The following HADHA variants were observed in gnomAD, a reference collection of about 807,000 sequenced individuals.
The protein encoded by HADHA is trifunctional enzyme subunit alpha, mitochondrial.
HADHA carries 59 observed loss-of-function variants against 91.3 expected under a neutral mutation model. The observed-to-expected ratio is 0.65, with a 90% CI of 0.52 to 0.80. The LOEUF (loss-of-function observed/expected upper bound fraction) is 0.80. Ranked by LOEUF, HADHA falls within the 30% of genes least tolerant of loss-of-function variation. The pLI is 0.00. For synonymous variants in HADHA, 320 were observed against 338.9 expected, an observed-to-expected ratio of 0.94 and a Z score of 0.61; for missense variants, 800 against 927.6, an observed-to-expected ratio of 0.86 and a Z score of 1.79.
At position 26,204,107 on chromosome 2, in the gene HADHA, G is replaced by A. The variant is rs1246312399; in HGVS notation, c.1175C>T (p.Ala392Val). 6.2e-7 allele frequency: 1 copy of A among 1,613,528 alleles called. No individual in the cohort carries two copies. ...TCCTCGGTCTAGCGCAGTGAGGGTG[G>A]CATCTTTAAGTATAGTCTTTAGCCC... is the stretch of plus-strand genomic sequence containing the variant. Reference protein sequence around the residue: ...DKGLKTILKDATLTALDRGQQ... With the variant: ...DKGLKTILKDVTLTALDRGQQ... The change falls in exon 12 of 20, where the codon GCC becomes GTC. Residue 392 changes from alanine (A) to valine (V), a missense_variant. Physicochemically the swap from Ala to Val is moderately conservative, Grantham distance 64. Coordinates refer to ENST00000380649, the MANE Select transcript of HADHA (RefSeq NM_000182.5).
Position 26,214,030 on chromosome 2 carries a change from A to G in HADHA, c.918+413T>C, listed in dbSNP as rs1280039798. ...CTCTACATCATTACATCTTTTTTAT[A>G]ATTACAGCAATGAAGAAGTCCTTGA... is the stretch of plus-strand genomic sequence containing the variant. On this transcript the variant is annotated intron_variant, in intron 9 of 19. Coordinates refer to ENST00000380649, the MANE Select transcript of HADHA (RefSeq NM_000182.5). The surrounding 1 kb of genome is among the most constrained non-coding windows in gnomAD (Gnocchi z 4.1). Among the ~76,000 whole-genome samples the G allele has an allele frequency of 6.6e-6, 1 of 152,198 alleles. No individual in the cohort carries two copies. The highest frequency in any genetic ancestry group is 1.5e-5 in the Non-Finnish European group (1 of 68,038).
chr2:26,225,412 A>C (rs1381288523), intron 7 of HADHA, among the ~76,000 whole-genome samples: 6 of 139,604 alleles, frequency 4.3e-5, no homozygotes, highest in Non-Finnish European at 7.8e-5. Context: ...AAAAAAAAAA[A>C]AGAGGAGAGA....
intron 12 of HADHA, 149 bp downstream of exon 12, chr2:26,203,913 G>T: frequency 1.3e-6 from 1 of 787,840 alleles, no homozygotes; most frequent in Non-Finnish European, 2.2e-6. Flanking sequence ...GCTTCACTAC[G>T]GAGTATCTAG....
At position 26,193,784 on chromosome 2, in the gene HADHA, G is replaced by A. The variant is rs369641464; in HGVS notation, c.1690-12C>T. ...GGGTCAACTCCTTCCTGAACAGGAA[G>A]CGATGCAGGGACCTCAGGGGAAGGG... is the stretch of plus-strand genomic sequence containing the variant. On this transcript the variant is annotated splice_polypyrimidine_tract_variant and intron_variant, in intron 16 of 19. Coordinates refer to ENST00000380649, the MANE Select transcript of HADHA (RefSeq NM_000182.5). 5.6e-5 allele frequency: 90 copies of A among 1,611,366 alleles called. 1 individual carries two copies. The East Asian group carries it at 1.6e-3, about 30-fold the overall frequency.
rs1023537527 is a variant in HADHA, at chr2:26,221,511, G to C, written c.677-6336C>G. ...GTTGTCTAACCTACTAAGCCATAAA[G>C]TGGGGTGTACACGGTAGCACTCCAT... On this transcript the variant is annotated intron_variant, in intron 7 of 19. Coordinates refer to ENST00000380649, the MANE Select transcript of HADHA (RefSeq NM_000182.5). The surrounding 1 kb of genome is among the most constrained non-coding windows in gnomAD (Gnocchi z 4.8). 6.6e-6 allele frequency among the ~76,000 whole-genome samples: 1 copy of C among 152,186 alleles called. No individual in the cohort carries two copies.
chr2:26,231,382 A>G (rs1468452640), intron 6 of HADHA, among the ~76,000 whole-genome samples: 1 of 152,194 alleles, frequency 6.6e-6, no homozygotes, highest in Non-Finnish European at 1.5e-5. Context: ...ATTGCTCTGC[A>G]GCATCCAGGT....
chr2:26,215,236 A>G, intron 7 of HADHA, 61 bp from the exon 8 acceptor site: 1 of 1,551,044 alleles, frequency 6.4e-7, no homozygotes, highest in Non-Finnish European at 8.9e-7. Flanking sequence ...CAGGTAGTGA[A>G]AAACCCAGAC....
At chr2:26,196,548 C>G (rs1426072612) in intron 14 of HADHA, among the ~76,000 whole-genome samples, 1 of 152,144 alleles carries the variant, frequency 6.6e-6, no homozygotes, top group African/African-American at 2.4e-5. Context: ...CCAACTCATC[C>G]TGGATGGCTG....
chr2:26,207,610 C>A (rs550449915), intron 11 of HADHA, among the ~76,000 whole-genome samples: 1 of 152,266 alleles, frequency 6.6e-6, no homozygotes, highest in African/African-American at 2.4e-5. Flanking sequence ...CTTGAAATGA[C>A]CCACTTGTGT....
chr2:26,240,185 G>A (rs1429971642), intron 1 of HADHA, among the ~76,000 whole-genome samples: 1 of 152,040 alleles, frequency 6.6e-6, no homozygotes, highest in Non-Finnish European at 1.5e-5. Flanking sequence ...TCTGTAGCAG[G>A]TGTTTCACCA....
At chr2:26,194,226 T>C (rs1560869) in intron 16 of HADHA, among the ~76,000 whole-genome samples, 125,034 of 152,030 alleles carry the variant, frequency 0.82, 51,780 homozygotes, top group African/African-American at 0.93. Flanking sequence ...CTGTGTGCTG[T>C]GGAAACAGAT....
chr2:26,191,465 C>T lies in HADHA; in HGVS notation c.2146+18G>A, dbSNP rs200961004. 225 of 1,614,076 alleles carry T rather than the reference C, an allele frequency of 1.4e-4. No homozygotes were observed. The highest frequency in any genetic ancestry group is 3.7e-5 in the Non-Finnish European group (44 of 1,180,048). On this transcript the variant is annotated intron_variant, in intron 19 of 19. Coordinates refer to ENST00000380649, the MANE Select transcript of HADHA (RefSeq NM_000182.5). ...CTCCAGGCTAAAGTGAGCTTCCTTCCCAACCTGCGAGACCAACCTCCCAGA... is the reference window on the plus strand; with the variant it reads ...CTCCAGGCTAAAGTGAGCTTCCTTCTCAACCTGCGAGACCAACCTCCCAGA...
chr2:26,195,924 T>G (rs1272975815), intron 14 of HADHA, among the ~76,000 whole-genome samples: 1 of 152,226 alleles, frequency 6.6e-6, no homozygotes, highest in Non-Finnish European at 1.5e-5. Flanking sequence ...GAGAAACCCC[T>G]CATTGAGCTA....
Position 26,191,470 on chromosome 2 carries a change from C to T in HADHA, c.2146+13G>A, listed in dbSNP as rs1440102403. 1.2e-6 allele frequency: 2 copies of T among 1,614,198 alleles called. No individual in the cohort carries two copies. The highest frequency in any genetic ancestry group is 2.2e-5 in the South Asian group (2 of 91,084). On this transcript the variant is annotated intron_variant, in intron 19 of 19. Coordinates refer to ENST00000380649, the MANE Select transcript of HADHA (RefSeq NM_000182.5). ...GGCTAAAGTGAGCTTCCTTCCCAACCTGCGAGACCAACCTCCCAGACAAGG... is the reference window on the plus strand; with the variant it reads ...GGCTAAAGTGAGCTTCCTTCCCAACTTGCGAGACCAACCTCCCAGACAAGG...
At position 26,191,156 on chromosome 2, in the gene HADHA, G is replaced by T; in HGVS notation, c.*94C>A. ...ACCCAGTGCCGGAGTTTGTCTTCTC[G>T]TTACTCTGATAAATCTAGACACCAC... is the stretch of plus-strand genomic sequence containing the variant. On this transcript the variant is annotated 3_prime_UTR_variant, in exon 20 of 20. Transcript: ENST00000380649. 2.3e-6 allele frequency: 3 copies of T among 1,317,880 alleles called. No individual in the cohort carries two copies. The highest frequency in any genetic ancestry group is 3.3e-6 in the Non-Finnish European group (3 of 916,242). The allele number at this position is 1,317,880 out of a possible 1,614,324, so 81.6% of individuals were successfully genotyped here.
At chr2:26,213,366 C>A (rs1670148988) in intron 9 of HADHA, among the ~76,000 whole-genome samples, 1 of 152,208 alleles carries the variant, frequency 6.6e-6, no homozygotes, top group Non-Finnish European at 1.5e-5. Context: ...TACCCACTAC[C>A]ATGAAAATGG....
At chr2:26,216,529 C>T (rs1002392605) in intron 7 of HADHA, among the ~76,000 whole-genome samples, 28 of 151,936 alleles carry the variant, frequency 1.8e-4, no homozygotes, top group African/African-American at 6.5e-4. Flanking sequence ...CCATGTTGGC[C>T]AAGCTGGTCT....
At chr2:26,236,420 G>GTGTGTGTGTGTGTGTGTA (rs553522257) in intron 4 of HADHA, among the ~76,000 whole-genome samples, 1 of 116,478 alleles carries the variant, frequency 8.6e-6, no homozygotes, top group Non-Finnish European at 1.7e-5. Context: ...GTGTGTGTGT[G>GTGTGTGTGTGTGTGTGTA]TATATACTTT....
intron 16 of HADHA, among the ~76,000 whole-genome samples, chr2:26,194,318 TG>T (rs1002481883): frequency 1.3e-5 from 2 of 151,988 alleles, no homozygotes; most frequent in South Asian, 2.1e-4. Flanking sequence ...GAAGACATGC[TG>T]GGGGGTGGGG....
Sources: gnomAD v4.1 joint callset for allele counts (sites outside exome capture counted in the v4.1 genomes callset) on GRCh38, gnomAD v4.1.1 for gene constraint, Gnocchi (gnomAD v3.1) non-coding constraint, MANE v1.5 for transcripts, NCBI Gene and HGNC (gene_info 2026-07-23, HGNC 2026-07-21) for gene names.